TRPM3: variants seen among roughly 807,000 people sequenced by gnomAD.
TRPM3 encodes the protein long transient receptor potential channel 3.
In TRPM3, 77 loss-of-function variants were observed where a neutral mutation model predicts 181.2. The observed-to-expected ratio is 0.42, with a 90% CI of 0.35 to 0.51. The LOEUF is 0.51. TRPM3 is among the 20% of genes least tolerant of loss of function. The probability of loss-of-function intolerance (pLI) is 0.01; values close to 1 mark genes in which losing one functional copy is unlikely to be tolerated. For missense variants in TRPM3, 1,759 were observed against 2,196.7 expected (o/e 0.80, Z 3.98); for synonymous variants, 745 against 796.4 (o/e 0.94, Z 1.09).
chr9:71,286,461 C>A (rs2085285512), intron 1 of TRPM3, among the ~76,000 whole-genome samples: 1 of 152,094 alleles, frequency 6.6e-6, no homozygotes, highest in Non-Finnish European at 1.5e-5. Flanking sequence ...TACATTAATT[C>A]TTTAATACAT....
intron 1 of TRPM3, among the ~76,000 whole-genome samples, chr9:71,253,807 T>A (rs181394482): frequency 6.6e-6 from 1 of 152,142 alleles, no homozygotes; most frequent in Non-Finnish European, 1.5e-5. Context: ...TGCCTAAGTG[T>A]CTATCAATGG....
intron 1 of TRPM3, among the ~76,000 whole-genome samples, chr9:70,965,704 A>T (rs957078160): frequency 6.6e-6 from 1 of 152,012 alleles, no homozygotes; most frequent in Admixed American, 6.6e-5. Flanking sequence ...GGGTTTTTGC[A>T]TCATTGTTCA....
intron 1 of TRPM3, among the ~76,000 whole-genome samples, chr9:71,127,164 A>G (rs794303): frequency 0.47 from 70,731 of 151,814 alleles, 16,601 homozygotes; most frequent in South Asian, 0.5. Context: ...AATCTCTTGA[A>G]TTACTTCTCA....
At chr9:71,341,800 A>G (rs2090982039) in intron 1 of TRPM3, among the ~76,000 whole-genome samples, 1 of 152,094 alleles carries the variant, frequency 6.6e-6, no homozygotes, top group South Asian at 2.1e-4. Flanking sequence ...GTTAACTTAA[A>G]GGGAAGTGGA....
At chr9:71,036,130 AT>A (rs2132838289) in intron 1 of TRPM3, among the ~76,000 whole-genome samples, 1 of 152,072 alleles carries the variant, frequency 6.6e-6, no homozygotes, top group African/African-American at 2.4e-5. Flanking sequence ...CATTTAAGAG[AT>A]TTCTCCTTTG....
chr9:70,642,946 AGGCCC>A (rs2058283594), intron 9 of TRPM3, among the ~76,000 whole-genome samples: 1 of 152,144 alleles, frequency 6.6e-6, no homozygotes, highest in African/African-American at 2.4e-5. Context: ...TTGAGTAACA[AGGCCC>A]TCAAGAGCTG....
intron 1 of TRPM3, among the ~76,000 whole-genome samples, chr9:71,210,691 C>T (rs544965589): frequency 2.9e-4 from 44 of 152,196 alleles, no homozygotes; most frequent in Admixed American, 2.7e-3. Context: ...ACAGTTGGCA[C>T]GTGGACTTTG....
chr9:71,075,142 G>A (rs2063288826), intron 1 of TRPM3, among the ~76,000 whole-genome samples: 1 of 152,050 alleles, frequency 6.6e-6, no homozygotes, highest in South Asian at 2.1e-4. Flanking sequence ...TTTGTTTCTG[G>A]TTGGTTGCAT....
chr9:71,151,046 TTCTCTAA>T (rs2075708308), intron 1 of TRPM3, among the ~76,000 whole-genome samples: 1 of 152,194 alleles, frequency 6.6e-6, no homozygotes, highest in Non-Finnish European at 1.5e-5. Context: ...TCTCTATCTA[TTCTCTAA>T]CCAAATAAAT....
chr9:71,176,878 T>G (rs140590847), intron 1 of TRPM3, among the ~76,000 whole-genome samples: 147 of 152,272 alleles, frequency 9.7e-4, no homozygotes, highest in African/African-American at 3.4e-3. Flanking sequence ...TATACAGTTT[T>G]GTAGTCTAGG....
intron 1 of TRPM3, among the ~76,000 whole-genome samples, chr9:71,292,108 G>A (rs1164736301): frequency 1.3e-5 from 2 of 151,948 alleles, no homozygotes; most frequent in African/African-American, 2.4e-5. Context: ...TCTAAAGAGC[G>A]CATGTAAAAG....
At chr9:71,150,349 C>G (rs927653978) in intron 1 of TRPM3, among the ~76,000 whole-genome samples, 1 of 152,004 alleles carries the variant, frequency 6.6e-6, no homozygotes, top group African/African-American at 2.4e-5. Context: ...TAGAAAAATG[C>G]AATTTATAAA....
At position 71,121,337 on chromosome 9, in the gene TRPM3, C is replaced by A. The variant is rs1464717447; in HGVS notation, c.18G>T (p.Gly6=). 1 of 1,613,654 alleles carries A rather than the reference C, an allele frequency of 6.2e-7. No homozygotes were observed. The highest frequency in any genetic ancestry group is 1.3e-5 in the African/African-American group (1 of 74,844). Residue 6 remains glycine (G), a synonymous_variant, in exon 1 of 26, where the codon GGG becomes GGT. Coordinates refer to ENST00000677713, the MANE Select transcript of TRPM3 (RefSeq NM_001366145.2). ...GAGCAATGCCTAGAAAATAAACGGT[C>A]CCCCACGGCTCTGGCATCCCATGGT... MPEPW[G]TVYFLGIAQV...
At chr9:70,646,571 G>A (rs1304030747) in intron 9 of TRPM3, among the ~76,000 whole-genome samples, 1 of 152,086 alleles carries the variant, frequency 6.6e-6, no homozygotes, top group Admixed American at 6.6e-5. Flanking sequence ...CCTGTTAGGG[G>A]GTGAGGGGCT....
rs67630432 is a variant in TRPM3 at position 70,674,724 on chromosome 9, AT to A, written c.1345+6781del. Among the ~76,000 whole-genome samples, 420 of 97,866 alleles carry A rather than the reference AT, an allele frequency of 4.3e-3. 3 individuals carry two copies. Among genetic ancestry groups the A allele is most frequent in the African/African-American group, 0.013 (335 of 24,944 alleles). 64.2% of individuals were successfully genotyped at this position (97,866 alleles called of 152,430 possible). A position where few individuals can be genotyped will look rare whatever the true frequency, so the allele number is the denominator to read the frequency against. On this transcript the variant is annotated intron_variant, in intron 9 of 25. Coordinates refer to ENST00000677713, the MANE Select transcript of TRPM3 (RefSeq NM_001366145.2). ...ACATGCATATGCCACTATTCAGGCT[AT>A]TTTTTTTTTTTTTTTTTTTTTTTAG...
intron 1 of TRPM3, among the ~76,000 whole-genome samples, chr9:71,117,306 C>A (rs187347716): frequency 2.6e-5 from 4 of 152,248 alleles, no homozygotes; most frequent in East Asian, 1.9e-4. Context: ...CTCCCTCCCC[C>A]CTAGTTTCAA....
chr9:70,619,690 C>T lies in TRPM3; in HGVS notation c.2129+386G>A, dbSNP rs968476885. Among the ~76,000 whole-genome samples, 8 of 152,094 alleles carry T rather than the reference C, an allele frequency of 5.3e-5. No individual in the cohort carries two copies. In the East Asian group the frequency reaches 5.8e-4, roughly 11 times the overall value. Reference sequence around the variant, plus strand: ...TCAGCCTCCCAAAGTGCTGGGATTACAGGCACGAGTCACTGCACCAGGCAG... The same window carrying T: ...TCAGCCTCCCAAAGTGCTGGGATTATAGGCACGAGTCACTGCACCAGGCAG... On this transcript the variant is annotated intron_variant, in intron 16 of 25. Coordinates refer to ENST00000677713, the MANE Select transcript of TRPM3 (RefSeq NM_001366145.2).
chr9:71,079,828 A>ACC (rs1159315254), intron 1 of TRPM3, among the ~76,000 whole-genome samples: 1 of 151,916 alleles, frequency 6.6e-6, no homozygotes, highest in African/African-American at 2.4e-5. Flanking sequence ...TGCCCACATT[A>ACC]CCCCCAGTGG....
At chr9:70,925,997 C>CA (rs55825345) in intron 1 of TRPM3, among the ~76,000 whole-genome samples, 4 of 139,134 alleles carry the variant, frequency 2.9e-5, no homozygotes, top group Non-Finnish European at 6.2e-5. Flanking sequence ...CTTGGGAAAA[C>CA]AAAAAAAAAA....
Sources: allele counts gnomAD v4.1 joint callset (sites outside exome capture counted in the v4.1 genomes callset), GRCh38; gene constraint gnomAD v4.1.1; transcripts MANE v1.5; gene names NCBI Gene and HGNC (gene_info 2026-07-23, HGNC 2026-07-21).